MYO16: variants seen among roughly 807,000 people sequenced by gnomAD.
The protein encoded by MYO16 is unconventional myosin-XVI.
In MYO16, 94 loss-of-function variants were observed where a neutral mutation model predicts 205.3. The ratio of observed to expected loss-of-function variants is 0.46; its 90% CI spans 0.39 to 0.54. The LOEUF is 0.54. Ranked by LOEUF, MYO16 falls within the 20% of genes least tolerant of loss-of-function variation. MYO16 has a pLI of 0.00. For synonymous variants in MYO16, 988 were observed against 954.0 expected (o/e 1.04, Z -0.66); for missense variants, 2,315 against 2,387.5 (o/e 0.97, Z 0.63).
At chr13:108,819,010 G>A (rs1245990281) in intron 7 of MYO16, among the ~76,000 whole-genome samples, 1 of 152,176 alleles carries the variant, frequency 6.6e-6, no homozygotes, top group East Asian at 1.9e-4. Context: ...TTAGGAGTAG[G>A]AGTGTAAATC....
chr13:109,186,446 TA>T (rs1879693299), intron 34 of MYO16, among the ~76,000 whole-genome samples: 1 of 152,138 alleles, frequency 6.6e-6, no homozygotes, highest in Admixed American at 6.5e-5. Flanking sequence ...ACAGAAAACC[TA>T]ATTCAGTGAT....
intron 32 of MYO16, among the ~76,000 whole-genome samples, chr13:109,146,887 C>T (rs912259081): frequency 6.6e-6 from 1 of 150,940 alleles, no homozygotes; most frequent in African/African-American, 2.4e-5. Context: ...AATGTCAAAC[C>T]ATTTAAATAA....
At chr13:108,643,361 C>T (rs961392938) in intron 1 of MYO16, among the ~76,000 whole-genome samples, 10 of 152,102 alleles carry the variant, frequency 6.6e-5, no homozygotes, top group East Asian at 1.9e-4. Context: ...GAGTGGTGTT[C>T]GGTGGTGTGG....
chr13:108,742,136 G>T lies in MYO16; in HGVS notation c.507+14553G>T, dbSNP rs897964388. On this transcript the variant is annotated intron_variant, in intron 4 of 34. Coordinates refer to ENST00000457511, the MANE Select transcript of MYO16 (RefSeq NM_001198950.3). Reference sequence around the variant, plus strand: ...GCTGCCTGAAGAGCTGAGACTACAGGCGCATGTCACCACGCCCAGCTAGTT... The same window carrying T: ...GCTGCCTGAAGAGCTGAGACTACAGTCGCATGTCACCACGCCCAGCTAGTT... Among the ~76,000 whole-genome samples, 4 of 151,996 alleles carry T rather than the reference G, an allele frequency of 2.6e-5. No individual in the cohort carries two copies. In the East Asian group the frequency reaches 7.7e-4, roughly 29 times the overall value.
chr13:109,185,603 T>G (rs563156172), intron 34 of MYO16, among the ~76,000 whole-genome samples: 2 of 152,308 alleles, frequency 1.3e-5, no homozygotes, highest in South Asian at 4.1e-4. Context: ...AAAATATGAT[T>G]TATTATGGAA....
At position 108,614,668 on chromosome 13, in the gene MYO16, CTT is replaced by C. The variant is rs1364644135; in HGVS notation, c.-39+18430_-39+18431del. Among the ~76,000 whole-genome samples, 5 of 152,108 alleles carry C rather than the reference CTT, an allele frequency of 3.3e-5. No homozygotes were observed. In the East Asian group the frequency reaches 7.7e-4, roughly 23 times the overall value. On this transcript the variant is annotated intron_variant, in intron 1 of 24. Coordinates refer to the MYO16 transcript ENST00000251041. ...ATAATTAAGAGTCCAGAAATAAACA[CTT>C]ATATTTATGATCAATCAATTTTGAC...
the MYO16 span, among the ~76,000 whole-genome samples, chr13:108,573,319 T>A: frequency 2.6e-5 from 4 of 152,236 alleles, no homozygotes; most frequent in African/African-American, 9.6e-5. Context: ...AACATTTTTG[T>A]GGTAAATATA....
chr13:109,065,962 T>A (rs1419929753), intron 27 of MYO16, among the ~76,000 whole-genome samples: 1 of 152,238 alleles, frequency 6.6e-6, no homozygotes, highest in Non-Finnish European at 1.5e-5. Flanking sequence ...TTGGCTATTA[T>A]GCTTGGCATG....
rs147274208 is a variant in MYO16 at position 108,681,110 on chromosome 13, C to T, written c.292+14961C>T. Among the ~76,000 whole-genome samples, 641 of 152,312 alleles carry T rather than the reference C, an allele frequency of 4.2e-3. 2 individuals are homozygous for T. The highest frequency in any genetic ancestry group is 0.014 in the African/African-American group (601 of 41,570). On this transcript the variant is annotated intron_variant, in intron 2 of 34. Coordinates refer to ENST00000457511, the MANE Select transcript of MYO16 (RefSeq NM_001198950.3). ...AGCATGTAAAACCATTTATGTCTAA[C>T]GTGAATGTGTTTTTCCACACACCCA...
At chr13:108,735,829 A>G (rs182600039) in intron 4 of MYO16, among the ~76,000 whole-genome samples, 30,221 of 151,088 alleles carry the variant, frequency 0.2, 3,240 homozygotes, top group Middle Eastern at 0.32. Flanking sequence ...TTTAATGATC[A>G]CCATTCTAAC....
chr13:108,866,280 A>G lies in MYO16; in HGVS notation c.1425+38A>G, dbSNP rs375507646. 3.4e-5 allele frequency: 46 copies of G among 1,351,340 alleles called. No individual in the cohort carries two copies. In the East Asian group the frequency reaches 7.5e-4, roughly 22 times the overall value. The allele number at this position is 1,351,340 out of a possible 1,614,324, so 83.7% of individuals were successfully genotyped here. ...TTTTAAATATCATTGAATAATGTAGAGTAATACTTTCTAGTCATACATGTT... is the reference window on the plus strand; with the variant it reads ...TTTTAAATATCATTGAATAATGTAGGGTAATACTTTCTAGTCATACATGTT... On this transcript the variant is annotated intron_variant, in intron 12 of 34. Transcript: ENST00000457511.
chr13:108,711,072 A>G (rs139823991), intron 2 of MYO16, among the ~76,000 whole-genome samples: 1 of 152,172 alleles, frequency 6.6e-6, no homozygotes, highest in Non-Finnish European at 1.5e-5. Context: ...TTCTATATAT[A>G]TATAGAGAGA....
intron 28 of MYO16, among the ~76,000 whole-genome samples, chr13:109,115,161 C>T (rs1875612524): frequency 7.1e-6 from 1 of 140,692 alleles, no homozygotes; most frequent in Non-Finnish European, 1.5e-5. Flanking sequence ...GAAGTCTCTA[C>T]TAACACAGCT....
intron 4 of MYO16, among the ~76,000 whole-genome samples, chr13:108,752,330 A>G (rs961420437): frequency 6.6e-6 from 1 of 152,190 alleles, no homozygotes; most frequent in African/African-American, 2.4e-5. Flanking sequence ...TATCTGTACT[A>G]GGTTTCCCTA....
At chr13:109,048,610 A>G (rs1007137586) in intron 24 of MYO16, 3 of 351,592 alleles carry the variant, frequency 8.5e-6, no homozygotes, top group African/African-American at 2.1e-5. Context: ...ATGATTGCTC[A>G]CTCACTCTAT....
intron 1 of MYO16, among the ~76,000 whole-genome samples, chr13:108,647,308 A>C (rs2139392663): frequency 6.6e-6 from 1 of 152,228 alleles, no homozygotes; most frequent in Admixed American, 6.5e-5. Flanking sequence ...CTTCGGGAAG[A>C]TGCTCCCTAC....
chr13:108,958,373 A>G (rs1179075407), intron 17 of MYO16, among the ~76,000 whole-genome samples: 3 of 151,910 alleles, frequency 2.0e-5, no homozygotes, highest in Non-Finnish European at 2.9e-5. Context: ...GAAAATTAAC[A>G]TAATCACCTT....
chr13:108,713,537 C>T (rs1163630931), intron 3 of MYO16, among the ~76,000 whole-genome samples: 5 of 152,172 alleles, frequency 3.3e-5, no homozygotes, highest in African/African-American at 1.2e-4. Flanking sequence ...TGACACCTGA[C>T]TCCCAACCTG....
At position 108,633,930 on chromosome 13, in the gene MYO16, C is replaced by T. The variant is rs189216925; in HGVS notation, c.28+4058C>T. On this transcript the variant is annotated intron_variant, in intron 1 of 34. Transcript: ENST00000457511. ...ATATCCTGCTCTCCGCCTGGTCCAGCGCCCATAGTCCATTGCTGAAGCCAC... is the reference window on the plus strand; with the variant it reads ...ATATCCTGCTCTCCGCCTGGTCCAGTGCCCATAGTCCATTGCTGAAGCCAC... Among the ~76,000 whole-genome samples, 12 of 152,260 alleles carry T rather than the reference C, an allele frequency of 7.9e-5. No individual in the cohort carries two copies. In the South Asian group the frequency reaches 1.4e-3, roughly 18 times the overall value.
Sources: allele counts gnomAD v4.1 joint callset (sites outside exome capture counted in the v4.1 genomes callset), GRCh38; gene constraint gnomAD v4.1.1; transcripts MANE v1.5; gene names NCBI Gene and HGNC (gene_info 2026-07-23, HGNC 2026-07-21).